GRIP1: variants seen among roughly 807,000 people sequenced by gnomAD.
The protein encoded by GRIP1 is glutamate receptor interacting protein 1.
GRIP1 carries 45 observed loss-of-function variants against 129.9 expected under a neutral mutation model. The observed-to-expected ratio is 0.35, with a 90% CI of 0.27 to 0.44. The LOEUF (loss-of-function observed/expected upper bound fraction) is 0.44, where lower values mean the gene tolerates loss of function less well. Among genes scored for constraint, GRIP1 ranks in the 20% least tolerant of loss-of-function variants. The pLI is 1.00. For synonymous variants in GRIP1, 530 were observed against 520.8 expected (o/e 1.02, Z -0.24); for missense variants, 1,196 against 1,396.8 (o/e 0.86, Z 2.29).
chr12:66,679,609 G>C (rs1309985206), upstream of GRIP1, among the ~76,000 whole-genome samples: 1 of 152,026 alleles, frequency 6.6e-6, no homozygotes, highest in Non-Finnish European at 1.5e-5. Context: ...TGTTTATAGA[G>C]GGAATACAAG....
Position 66,867,475 on chromosome 12 carries a change from G to C in GRIP1, c.58+201575C>G, listed in dbSNP as rs2040226230. Reference sequence around the variant, plus strand: ...GTTGTCATTAGGCAGGGTTAGGACAGGCAAAGTGTAGGCAAGGGTCCTACG... The same window carrying C: ...GTTGTCATTAGGCAGGGTTAGGACACGCAAAGTGTAGGCAAGGGTCCTACG... On this transcript the variant is annotated intron_variant, in intron 1 of 1. Coordinates refer to the GRIP1 transcript ENST00000643019. Among the ~76,000 whole-genome samples, 5 of 152,238 alleles carry C rather than the reference G, an allele frequency of 3.3e-5. No homozygotes were observed. The South Asian group carries it at 1.0e-3, about 32-fold the overall frequency.
At chr12:66,713,150 T>C (rs2136407652) in intron 1 of GRIP1, among the ~76,000 whole-genome samples, 1 of 152,170 alleles carries the variant, frequency 6.6e-6, no homozygotes, top group African/African-American at 2.4e-5. Flanking sequence ...ATGTCATTTA[T>C]TAATTTTTGT....
At chr12:66,364,402 C>A (rs1358850458) in intron 23 of GRIP1, among the ~76,000 whole-genome samples, 1 of 151,638 alleles carries the variant, frequency 6.6e-6, no homozygotes, top group East Asian at 1.9e-4. Flanking sequence ...TGAAGATGGG[C>A]ACTGGGTCCT....
intron 1 of GRIP1, among the ~76,000 whole-genome samples, chr12:66,838,040 G>T (rs1447848260): frequency 1.3e-5 from 2 of 152,096 alleles, no homozygotes; most frequent in African/African-American, 4.8e-5. Context: ...CTAAAAATTA[G>T]CTGGGTGTGG....
In GRIP1 at chr12:66,965,106, G is replaced by A. The variant is rs546947509; in HGVS notation, c.58+103944C>T. 9.9e-5 allele frequency among the ~76,000 whole-genome samples: 15 copies of A among 152,052 alleles called. 1 individual carries two copies. Among genetic ancestry groups the A allele is most frequent in the Non-Finnish European group, 1.9e-4 (13 of 67,978 alleles). ...CATGAATTTTGGGAGCAGGGGCAGG[G>A]GGCACAAGTCAGTCCCTAATAATAT... On this transcript the variant is annotated intron_variant, in intron 1 of 1. Coordinates refer to the GRIP1 transcript ENST00000643019.
intron 1 of GRIP1, among the ~76,000 whole-genome samples, chr12:66,746,434 T>C (rs1207228257): frequency 6.6e-6 from 1 of 152,226 alleles, no homozygotes; most frequent in African/African-American, 2.4e-5. Context: ...ATTCAGAATC[T>C]GCAGTTCATT....
rs1184390227 is a variant in GRIP1 at position 66,401,629 on chromosome 12, C to T, written c.1984+4654G>A. ...ATATATACACACACACACACACACACACACACACACACACACACACACACA... is the reference window on the plus strand; with the variant it reads ...ATATATACACACACACACACACACATACACACACACACACACACACACACA... On this transcript the variant is annotated intron_variant, in intron 16 of 24. Transcript: ENST00000359742. 1.5e-3 allele frequency among the ~76,000 whole-genome samples: 220 copies of T among 142,624 alleles called. 2 individuals are homozygous for T. Among genetic ancestry groups the T allele is most frequent in the Admixed American group, 1.9e-3 (26 of 13,906 alleles). The allele number at this position is 142,624 out of a possible 152,430, so 93.6% of individuals were successfully genotyped here.
At chr12:66,492,966 T>C (rs1334334468) in intron 7 of GRIP1, among the ~76,000 whole-genome samples, 1 of 151,984 alleles carries the variant, frequency 6.6e-6, no homozygotes, top group Non-Finnish European at 1.5e-5. Flanking sequence ...ACCAAGACCA[T>C]GCCACTGCAC....
At chr12:66,647,301 C>T (rs2032451527) in intron 1 of GRIP1, 1 of 152,166 alleles carries the variant, frequency 6.6e-6, no homozygotes, top group South Asian at 2.1e-4. Flanking sequence ...ACATAAGTAC[C>T]AAAGATTAAA....
At chr12:66,918,662 A>G (rs1438888846) in intron 1 of GRIP1, among the ~76,000 whole-genome samples, 1 of 152,170 alleles carries the variant, frequency 6.6e-6, no homozygotes, top group African/African-American at 2.4e-5. Context: ...TCTTCTCCAG[A>G]AGAAAAATTA....
At chr12:66,489,210 C>CA (rs1356031712) in intron 7 of GRIP1, among the ~76,000 whole-genome samples, 1 of 152,112 alleles carries the variant, frequency 6.6e-6, no homozygotes, top group Non-Finnish European at 1.5e-5. Flanking sequence ...AACATCAATG[C>CA]AAAAATCCTC....
intron 1 of GRIP1, chr12:66,630,354 A>G (rs1275980964): frequency 1.3e-5 from 2 of 152,156 alleles, no homozygotes; most frequent in Non-Finnish European, 2.9e-5. Flanking sequence ...AAGGAAAAAA[A>G]AAAAAATCAG....
At chr12:66,549,282 G>C (rs976469574) in intron 2 of GRIP1, among the ~76,000 whole-genome samples, 2 of 152,112 alleles carry the variant, frequency 1.3e-5, no homozygotes, top group Non-Finnish European at 2.9e-5. Context: ...ATTATTGCTG[G>C]ACGGTGCAGA....
intron 1 of GRIP1, among the ~76,000 whole-genome samples, chr12:66,900,710 C>T (rs983203445): frequency 6.6e-6 from 1 of 152,198 alleles, no homozygotes. Context: ...TCCCTCTCAA[C>T]TGAGTCAGCC....
chr12:66,705,275 T>G (rs927157805), intron 1 of GRIP1, among the ~76,000 whole-genome samples: 2 of 151,988 alleles, frequency 1.3e-5, no homozygotes, highest in Non-Finnish European at 2.9e-5. Flanking sequence ...ATAGTTACTA[T>G]GTAGGTAAAA....
intron 7 of GRIP1, among the ~76,000 whole-genome samples, chr12:66,496,845 G>A (rs983128279): frequency 7.6e-5 from 11 of 144,084 alleles, no homozygotes; most frequent in African/African-American, 2.8e-4. Context: ...TAAGGGGAGG[G>A]AAGAGAAGGG....
At chr12:66,753,142 C>G (rs942325244) in intron 1 of GRIP1, among the ~76,000 whole-genome samples, 3 of 152,088 alleles carry the variant, frequency 2.0e-5, no homozygotes, top group African/African-American at 7.2e-5. Flanking sequence ...GCTCTTATAT[C>G]CTAGGTATAT....
At chr12:66,855,258 C>G (rs2039984212) in intron 1 of GRIP1, among the ~76,000 whole-genome samples, 1 of 151,974 alleles carries the variant, frequency 6.6e-6, no homozygotes, top group South Asian at 2.1e-4. Context: ...TTCTCAAAAT[C>G]AAACTACCCT....
chr12:66,847,607 C>G (rs1252749506), intron 1 of GRIP1, among the ~76,000 whole-genome samples: 3 of 151,824 alleles, frequency 2.0e-5, no homozygotes, highest in African/African-American at 7.3e-5. Flanking sequence ...GTAAAATGGC[C>G]GATTTCATAT....
Sources: allele counts gnomAD v4.1 joint callset (sites outside exome capture counted in the v4.1 genomes callset), GRCh38; gene constraint gnomAD v4.1.1; transcripts MANE v1.5; gene names NCBI Gene and HGNC (gene_info 2026-07-23, HGNC 2026-07-21).